The following NEK10 variants were observed in gnomAD, a reference collection of about 807,000 sequenced individuals.
NEK10 encodes the protein NIMA related kinase 10.
In NEK10, 122 loss-of-function variants were observed where a neutral mutation model predicts 159.8. The observed-to-expected ratio is 0.76, with a 90% CI of 0.66 to 0.89. NEK10 has a LOEUF of 0.89. Ranked by LOEUF, NEK10 falls within the 40% of genes least tolerant of loss-of-function variation. The probability of loss-of-function intolerance (pLI) is 0.00; values close to 1 mark genes in which losing one functional copy is unlikely to be tolerated. For synonymous variants in NEK10, 466 were observed against 457.1 expected, an observed-to-expected ratio of 1.02 and a Z score of -0.25; for missense variants, 1,342 against 1,323.1, an observed-to-expected ratio of 1.01 and a Z score of -0.22.
At chr3:27,248,302 C>G (rs73038801) in intron 23 of NEK10, among the ~76,000 whole-genome samples, 4 of 151,772 alleles carry the variant, frequency 2.6e-5, no homozygotes, top group Non-Finnish European at 5.9e-5. Flanking sequence ...TTTAACTTTT[C>G]CAAAAAACAA....
chr3:27,176,589 T>C (rs558398512), intron 26 of NEK10, among the ~76,000 whole-genome samples: 1 of 152,352 alleles, frequency 6.6e-6, no homozygotes, highest in South Asian at 2.1e-4. Flanking sequence ...ACTTCTTCCA[T>C]GCCTACCTCT....
At chr3:27,255,314 A>G in intron 23 of NEK10, 1 of 429,838 alleles carries the variant, frequency 2.3e-6, no homozygotes, top group Non-Finnish European at 4.7e-6. Context: ...ACTTTCAAGA[A>G]TAAAGATGTA....
chr3:27,197,509 A>G (rs537722962), intron 25 of NEK10, among the ~76,000 whole-genome samples: 2 of 152,240 alleles, frequency 1.3e-5, no homozygotes, highest in South Asian at 2.1e-4. Flanking sequence ...AACTGTTTAC[A>G]TGACTTAGCC....
chr3:27,119,674 T>C (rs767635657), intron 33 of NEK10, 86 bp downstream of exon 33: 10 of 1,013,608 alleles, frequency 9.9e-6, no homozygotes, highest in Non-Finnish European at 1.5e-5. Context: ...TAAAAAAAAA[T>C]TGGAGATAAT....
intron 23 of NEK10, among the ~76,000 whole-genome samples, chr3:27,213,350 G>C (rs1951185117): frequency 6.6e-6 from 1 of 152,144 alleles, no homozygotes; most frequent in Admixed American, 6.5e-5. Context: ...TATTAAAACT[G>C]ATCTTTGCTG....
At chr3:27,186,853 C>T (rs914141000) in intron 26 of NEK10, among the ~76,000 whole-genome samples, 1 of 152,074 alleles carries the variant, frequency 6.6e-6, no homozygotes, top group African/African-American at 2.4e-5. Context: ...AGTGAGTTCC[C>T]CATGGGCTGT....
intron 5 of NEK10, among the ~76,000 whole-genome samples, chr3:27,341,967 C>T (rs1228633235): frequency 6.6e-6 from 1 of 152,108 alleles, no homozygotes; most frequent in African/African-American, 2.4e-5. Context: ...TCCCACCCAC[C>T]CCTCAATCTC....
chr3:27,299,930 C>T (rs1287673589), intron 13 of NEK10, among the ~76,000 whole-genome samples: 2 of 152,194 alleles, frequency 1.3e-5, no homozygotes, highest in Non-Finnish European at 2.9e-5. Flanking sequence ...TTTGATTTTA[C>T]AGGCTCACAG....
intron 31 of NEK10, among the ~76,000 whole-genome samples, chr3:27,135,171 C>A (rs1943059259): frequency 6.6e-6 from 1 of 152,156 alleles, no homozygotes. Context: ...GTATTGCCAG[C>A]ACTTTGGGAG....
intron 31 of NEK10, among the ~76,000 whole-genome samples, chr3:27,138,607 C>T (rs139100811): frequency 1.9e-4 from 29 of 152,290 alleles, no homozygotes; most frequent in African/African-American, 6.5e-4. Context: ...CCTGTTGAAA[C>T]TATGGTATGG....
chr3:27,182,278 T>G (rs1948196657), intron 26 of NEK10, among the ~76,000 whole-genome samples: 1 of 152,208 alleles, frequency 6.6e-6, no homozygotes, highest in African/African-American at 2.4e-5. Context: ...ATATGTTAAT[T>G]AACTCCGTTA....
intron 12 of NEK10, among the ~76,000 whole-genome samples, chr3:27,302,511 T>C (rs760082947): frequency 3.3e-5 from 5 of 152,216 alleles, no homozygotes; most frequent in South Asian, 2.1e-4. Context: ...GTTTCATCTT[T>C]AATCTCATTT....
At chr3:27,275,773 C>T (rs915705739) in intron 22 of NEK10, among the ~76,000 whole-genome samples, 2 of 152,126 alleles carry the variant, frequency 1.3e-5, no homozygotes, top group African/African-American at 4.8e-5. Flanking sequence ...TTCTCAGCCA[C>T]AGTTTAGCCA....
At chr3:27,352,699 G>GT in intron 2 of NEK10, 113 bp downstream of exon 2, 1 of 837,466 alleles carries the variant, frequency 1.2e-6, no homozygotes, top group Non-Finnish European at 2.0e-6. Flanking sequence ...AGTAAGCACT[G>GT]TAACTCTGAA....
chr3:27,297,078 T>C (rs2043408487), intron 14 of NEK10, 101 bp downstream of exon 14: 4 of 662,636 alleles, frequency 6.0e-6, no homozygotes, highest in Non-Finnish European at 1.1e-5. Flanking sequence ...AATCACATGA[T>C]GGGAATCCCA....
At chr3:27,366,190 C>A (rs185645256) in intron 1 of NEK10, among the ~76,000 whole-genome samples, 1 of 152,104 alleles carries the variant, frequency 6.6e-6, no homozygotes, top group Non-Finnish European at 1.5e-5. Flanking sequence ...ATGTTCACAA[C>A]CACCCCATTT....
At chr3:27,190,285 C>G (rs1482210738) in intron 26 of NEK10, among the ~76,000 whole-genome samples, 1 of 152,028 alleles carries the variant, frequency 6.6e-6, no homozygotes, top group Non-Finnish European at 1.5e-5. Flanking sequence ...ATTTCTAAAG[C>G]TAAAATGACT....
At chr3:27,262,837 A>C (rs2040535384) in intron 22 of NEK10, among the ~76,000 whole-genome samples, 1 of 152,126 alleles carries the variant, frequency 6.6e-6, no homozygotes, top group Non-Finnish European at 1.5e-5. Context: ...CAACTCGTCA[A>C]AGTCATTCTC....
In NEK10 at chr3:27,116,145, T is replaced by C. The variant is rs1575355936; in HGVS notation, c.3191-18A>G. On this transcript the variant is annotated intron_variant, in intron 33 of 35. Transcript: ENST00000691995. Reference sequence around the variant, plus strand: ...TGGTAAACCTAAAAAAGATAAATTATGGAAAGTCTGACATTTGGGTTCACA... The same window carrying C: ...TGGTAAACCTAAAAAAGATAAATTACGGAAAGTCTGACATTTGGGTTCACA... The C allele has an allele frequency of 1.2e-6, 2 of 1,610,996 alleles. No individual in the cohort carries two copies. The highest frequency in any genetic ancestry group is 2.7e-5 in the African/African-American group (2 of 74,858).
Sources: gnomAD v4.1 joint callset for allele counts (sites outside exome capture counted in the v4.1 genomes callset) on GRCh38, gnomAD v4.1.1 for gene constraint, MANE v1.5 for transcripts, NCBI Gene and HGNC (gene_info 2026-07-23, HGNC 2026-07-21) for gene names.